ARHGEF10: variants seen among roughly 807,000 people sequenced by gnomAD.
The protein encoded by ARHGEF10 is Rho guanine nucleotide exchange factor 10, also known as Rho guanine nucleotide exchange factor (GEF) 10.
Under a neutral mutation model 147.4 loss-of-function variants are expected in ARHGEF10, and 140 were observed. The ratio of observed to expected loss-of-function variants is 0.95; its 90% CI spans 0.83 to 1.09. The LOEUF (loss-of-function observed/expected upper bound fraction) is 1.09, where lower values mean the gene tolerates loss of function less well. Among genes scored for constraint, ARHGEF10 ranks in the 50% least tolerant of loss-of-function variants. The probability of loss-of-function intolerance (pLI) is 0.00; values close to 1 mark genes in which losing one functional copy is unlikely to be tolerated. For missense variants in ARHGEF10, 2,222 were observed against 1,752.7 expected (o/e 1.27, Z -4.78); for synonymous variants, 902 against 695.8 (o/e 1.30, Z -4.67).
At position 1,855,105 on chromosome 8, in the gene ARHGEF10, G is replaced by C. The variant is rs544442544; in HGVS notation, c.38-2855G>C. Among the ~76,000 whole-genome samples, 4 of 152,192 alleles carry C rather than the reference G, an allele frequency of 2.6e-5. No individual in the cohort carries two copies. In the South Asian group the frequency reaches 8.3e-4, roughly 32 times the overall value. ...AAGAGAATTCCTTCTTCCTGTATGG[G>C]GTACAGTGTGGGTTCCGGTCCCAAC... On this transcript the variant is annotated intron_variant, in intron 2 of 28. Coordinates refer to ENST00000349830, the MANE Select transcript of ARHGEF10 (RefSeq NM_014629.4).
chr8:1,952,587 G>T, intron 27 of ARHGEF10, 118 bp from the exon 28 acceptor site: 2 of 1,377,852 alleles, frequency 1.5e-6, no homozygotes, highest in Non-Finnish European at 2.0e-6. Flanking sequence ...GCCACATCCT[G>T]CCCCTGGCGG....
chr8:1,824,282 C>T (rs1189190368), intron 1 of ARHGEF10, among the ~76,000 whole-genome samples, 169 bp downstream of exon 1: 1 of 151,944 alleles, frequency 6.6e-6, no homozygotes, highest in Non-Finnish European at 1.5e-5. Context: ...CCCCTCCCCC[C>T]GAGCAGCTCC....
In ARHGEF10 at chr8:1,888,130, TTTGCGAGGAGACACTTAGTGGGGCGAGGG is replaced by T. The variant is rs1359813232; in HGVS notation, c.1182+2437_1182+2465del. On this transcript the variant is annotated intron_variant, in intron 11 of 28. Transcript: ENST00000349830. ...GAGGAGACACTTAGTGGGGTGAGGG[TTTGCGAGGAGACACTTAGTGGGGCGAGGG>T]TTGCGAGGAGACAGTGAGTGGGGTG... 7.6e-4 allele frequency among the ~76,000 whole-genome samples: 22 copies of T among 29,012 alleles called. 1 individual carries two copies. The highest frequency in any genetic ancestry group is 4.5e-3 in the African/African-American group (9 of 2,006). 19.0% of individuals were successfully genotyped at this position (29,012 alleles called of 152,430 possible).
intron 25 of ARHGEF10, among the ~76,000 whole-genome samples, chr8:1,929,783 C>T (rs774494154): frequency 5.9e-5 from 9 of 152,204 alleles, no homozygotes; most frequent in African/African-American, 1.9e-4. Context: ...CCTGCCCGCC[C>T]GGCGGGGCCT....
chr8:1,908,079 C>T (rs948021163), intron 17 of ARHGEF10, among the ~76,000 whole-genome samples: 2 of 152,100 alleles, frequency 1.3e-5, no homozygotes, highest in African/African-American at 2.4e-5. Context: ...CTTTCCCTTC[C>T]TGTATGGACT....
rs779734878 is a variant in ARHGEF10 at position 1,937,086 on chromosome 8, G to A, written c.3222+3144G>A. 2.6e-5 allele frequency among the ~76,000 whole-genome samples: 4 copies of A among 152,160 alleles called. No individual in the cohort carries two copies. Among genetic ancestry groups the A allele is most frequent in the African/African-American group, 9.7e-5 (4 of 41,438 alleles). On this transcript the variant is annotated intron_variant, in intron 26 of 28. Transcript: ENST00000349830. The surrounding 1 kb of genome is among the most constrained non-coding windows in gnomAD (Gnocchi z 4.9). ...TGACACAGCCTCCCCGACGTCCTTC[G>A]AGACCTGGTCTGCTAGACAGGAACA... is the stretch of plus-strand genomic sequence containing the variant.
chr8:1,925,317 A>G lies in ARHGEF10; in HGVS notation c.2523A>G (p.Glu841=), dbSNP rs774825684. 1 of 1,614,098 alleles carries G rather than the reference A, an allele frequency of 6.2e-7. No homozygotes were observed. Among genetic ancestry groups the G allele is most frequent in the Non-Finnish European group, 8.5e-7 (1 of 1,180,046 alleles). ...ACCACATGGGCTGGTTCTGTGTGGA[A>G]GACGATGGGAATCACATTAAAAAGG... is the stretch of plus-strand genomic sequence containing the variant. ...EENHMGWFCV[E]DDGNHIKKEK... is the part of the protein sequence containing the mutation. The change falls in exon 22 of 29, where the codon GAA becomes GAG. Residue 841 remains glutamate, a synonymous_variant. Transcript: ENST00000349830.
intron 18 of ARHGEF10, among the ~76,000 whole-genome samples, chr8:1,916,688 AACT>A (rs1373688550): frequency 6.6e-6 from 1 of 152,204 alleles, no homozygotes. Context: ...CATGTTAGAA[AACT>A]ACTTGCTTAT....
intron 1 of ARHGEF10, among the ~76,000 whole-genome samples, chr8:1,836,611 G>A (rs1330730132): frequency 6.6e-6 from 1 of 152,156 alleles, no homozygotes; most frequent in Admixed American, 6.5e-5. Context: ...GGAGTTGGGG[G>A]AGCAGGCTGT....
At chr8:1,865,397 G>C (rs1353694369) in intron 5 of ARHGEF10, among the ~76,000 whole-genome samples, 2 of 147,818 alleles carry the variant, frequency 1.4e-5, no homozygotes, top group African/African-American at 5.0e-5. Context: ...AGCACCCAGG[G>C]GGTGGTCACC....
intron 10 of ARHGEF10, among the ~76,000 whole-genome samples, chr8:1,884,362 C>G (rs1196111376): frequency 2.7e-5 from 4 of 150,464 alleles, no homozygotes; most frequent in Non-Finnish European, 5.9e-5. Context: ...CGCCACTGCA[C>G]TCCAGCCTGG....
intron 1 of ARHGEF10, among the ~76,000 whole-genome samples, chr8:1,839,887 T>TGGTGTGGGGACTGTCC (rs1157425782): frequency 1.6e-5 from 2 of 126,504 alleles, no homozygotes; most frequent in African/African-American, 3.0e-5. Flanking sequence ...GGAAACTGTC[T>TGGTGTGGGGACTGTCC]GGTGTGGGGA....
At chr8:1,849,209 T>C (rs1430592640) in intron 2 of ARHGEF10, among the ~76,000 whole-genome samples, 1 of 152,198 alleles carries the variant, frequency 6.6e-6, no homozygotes, top group South Asian at 2.1e-4. Context: ...AGAACACAGA[T>C]GGTAAATGCT....
chr8:1,949,504 A>T (rs752920086), intron 27 of ARHGEF10, among the ~76,000 whole-genome samples: 1 of 152,166 alleles, frequency 6.6e-6, no homozygotes, highest in African/African-American at 2.4e-5. Context: ...AGGTTACATC[A>T]CCAGGCAGAT....
intron 1 of ARHGEF10, among the ~76,000 whole-genome samples, chr8:1,824,324 A>G (rs975286685): frequency 2.0e-5 from 3 of 151,320 alleles, no homozygotes; most frequent in Non-Finnish European, 2.9e-5. Flanking sequence ...CCCTCAGGAT[A>G]ACGGCGCGGG....
At chr8:1,881,664 G>A (rs548512728) in intron 9 of ARHGEF10, among the ~76,000 whole-genome samples, 8 of 152,286 alleles carry the variant, frequency 5.3e-5, no homozygotes, top group Admixed American at 1.3e-4. Context: ...CATGGTGAAC[G>A]CTTCAGGAAG....
intron 26 of ARHGEF10, among the ~76,000 whole-genome samples, chr8:1,944,399 G>GCCAT (rs1814388169): frequency 6.6e-6 from 1 of 152,230 alleles, no homozygotes; most frequent in Non-Finnish European, 1.5e-5. Flanking sequence ...AAGAGGCGAT[G>GCCAT]CCATGGGAGA....
At chr8:1,938,972 C>T (rs1001106992) in intron 26 of ARHGEF10, among the ~76,000 whole-genome samples, 1 of 133,236 alleles carries the variant, frequency 7.5e-6, no homozygotes, top group Admixed American at 8.7e-5. Flanking sequence ...ACACTGGAAT[C>T]CCAGCCCCCA....
In ARHGEF10 at chr8:1,880,485, C is replaced by T. The variant is rs77257818; in HGVS notation, c.960+321C>T. ...CACTTTCTGTTTGTTTTGGAAAATACAGCAATTTTTCATCAATGTTATTTA... is the reference window on the plus strand; with the variant it reads ...CACTTTCTGTTTGTTTTGGAAAATATAGCAATTTTTCATCAATGTTATTTA... On this transcript the variant is annotated intron_variant, in intron 9 of 28. Transcript: ENST00000349830. Among the ~76,000 whole-genome samples the T allele has an allele frequency of 8.7e-3, 1,324 of 152,292 alleles. 17 individuals carry two copies. Among genetic ancestry groups the T allele is most frequent in the African/African-American group, 0.03 (1,240 of 41,560 alleles).
Sources: allele counts gnomAD v4.1 joint callset (sites outside exome capture counted in the v4.1 genomes callset), GRCh38; gene constraint gnomAD v4.1.1; non-coding constraint Gnocchi (gnomAD v3.1); transcripts MANE v1.5; gene names NCBI Gene and HGNC (gene_info 2026-07-23, HGNC 2026-07-21).